HTRA1: variants seen among roughly 807,000 people sequenced by gnomAD.
The protein encoded by HTRA1 is HtrA serine peptidase 1, also known as serine protease HTRA1.
HTRA1 carries 26 observed loss-of-function variants against 49.7 expected under a neutral mutation model. The ratio of observed to expected loss-of-function variants is 0.52; its 90% CI spans 0.38 to 0.73. The LOEUF (loss-of-function observed/expected upper bound fraction) is 0.73, where lower values mean the gene tolerates loss of function less well. Ranked by LOEUF, HTRA1 falls within the 30% of genes least tolerant of loss-of-function variation. HTRA1 has a pLI of 0.00. For missense variants in HTRA1, 561 were observed against 667.2 expected, an observed-to-expected ratio of 0.84 and a Z score of 1.75; for synonymous variants, 291 against 286.9, an observed-to-expected ratio of 1.01 and a Z score of -0.14.
chr10:122,476,640 C>CA (rs2097488611), intron 1 of HTRA1, among the ~76,000 whole-genome samples: 1 of 152,232 alleles, frequency 6.6e-6, no homozygotes, highest in East Asian at 1.9e-4. Context: ...CCTGGGCCTG[C>CA]AGCCCTTGCA....
intron 5 of HTRA1, among the ~76,000 whole-genome samples, chr10:122,508,012 T>TGGGGCCATTTATAGAGGGCAGCTCA (rs2097503912): frequency 6.6e-6 from 1 of 150,510 alleles, no homozygotes; most frequent in East Asian, 1.9e-4. Context: ...AGGGCAGCTC[T>TGGGGCCATTTATAGAGGGCAGCTCA]GGGGCCATTT....
chr10:122,469,348 C>T (rs969012757), intron 1 of HTRA1, among the ~76,000 whole-genome samples: 4 of 152,172 alleles, frequency 2.6e-5, no homozygotes, highest in Admixed American at 6.5e-5. Context: ...AGAGCTGTCT[C>T]TTTGGTGCCA....
chr10:122,479,733 G>A (rs766603543), intron 1 of HTRA1, among the ~76,000 whole-genome samples: 11 of 151,966 alleles, frequency 7.2e-5, no homozygotes, highest in Non-Finnish European at 1.6e-4. Context: ...GAGTCGTGGG[G>A]AGAGTGGAGG....
intron 1 of HTRA1, among the ~76,000 whole-genome samples, chr10:122,463,736 T>G (rs2097482618): frequency 6.6e-6 from 1 of 152,246 alleles, no homozygotes; most frequent in Admixed American, 6.5e-5. Context: ...AGCTGGAATT[T>G]AAACCCAGAC....
chr10:122,472,362 T>TTTATTA (rs1565411596), intron 1 of HTRA1, among the ~76,000 whole-genome samples: 1 of 127,100 alleles, frequency 7.9e-6, no homozygotes, highest in Non-Finnish European at 1.6e-5. Context: ...ATATCATTTC[T>TTTATTA]TTATTACTAT....
chr10:122,469,582 G>A (rs1324601120), intron 1 of HTRA1, among the ~76,000 whole-genome samples: 1 of 152,230 alleles, frequency 6.6e-6, no homozygotes, highest in Non-Finnish European at 1.5e-5. Flanking sequence ...GACCCAAAGA[G>A]CCACTGCCAC....
chr10:122,481,536 G>C (rs910550387), intron 1 of HTRA1, among the ~76,000 whole-genome samples: 2 of 152,198 alleles, frequency 1.3e-5, no homozygotes, highest in Non-Finnish European at 2.9e-5. Context: ...CTGAAGCTTT[G>C]TGGATGTTTG....
chr10:122,461,830 G>T lies in HTRA1; in HGVS notation c.178G>T (p.Asp60Tyr). ...GCACTGCGAGGGCGGCCGGGCCCGGGACGCGTGCGGCTGCTGCGAGGTGTG... is the reference window on the plus strand; with the variant it reads ...GCACTGCGAGGGCGGCCGGGCCCGGTACGCGTGCGGCTGCTGCGAGGTGTG... The part of the protein sequence containing the change: ...PEHCEGGRAR[D>Y]ACGCCEVCGA... The change falls in exon 1 of 9, where the codon GAC becomes TAC. Residue 60 changes from aspartate (D) to tyrosine (Y), a missense_variant. Transcript: ENST00000368984. The T allele has an allele frequency of 8.9e-7, 1 of 1,120,340 alleles. No homozygotes were observed. Among genetic ancestry groups the T allele is most frequent in the South Asian group, 4.3e-5 (1 of 23,476 alleles). The allele number at this position is 1,120,340 out of a possible 1,614,324, so 69.4% of individuals were successfully genotyped here.
chr10:122,489,306 T>C, intron 2 of HTRA1, 116 bp from the exon 3 acceptor site: 1 of 1,010,786 alleles, frequency 9.9e-7, no homozygotes, highest in Admixed American at 1.8e-5. Context: ...CTAAGCCCGA[T>C]ATATAAAGGA....
At chr10:122,496,225 G>GTTTTTTT (rs1287521208) in intron 3 of HTRA1, among the ~76,000 whole-genome samples, 3,371 of 80,336 alleles carry the variant, frequency 0.042, 1,245 homozygotes, top group Middle Eastern at 0.09. Context: ...GAGATTGTGG[G>GTTTTTTT]TTCTTTTTTT....
chr10:122,487,462 C>T lies in HTRA1; in HGVS notation c.473-1440C>T, dbSNP rs138717461. Among the ~76,000 whole-genome samples the T allele has an allele frequency of 2.6e-5, 4 of 152,316 alleles. No homozygotes were observed. In the East Asian group the frequency reaches 7.7e-4, roughly 29 times the overall value. Reference sequence around the variant, plus strand: ...TAGCAGTCCGTTTCTGAATCAGTTACCTTGGGTATGTGCCTCTGGTTGATG... The same window carrying T: ...TAGCAGTCCGTTTCTGAATCAGTTATCTTGGGTATGTGCCTCTGGTTGATG... On this transcript the variant is annotated intron_variant, in intron 1 of 8. Coordinates refer to ENST00000368984, the MANE Select transcript of HTRA1 (RefSeq NM_002775.5). This position sits in a 1 kb window ranked among gnomAD's most constrained non-coding sequence, Gnocchi z 4.8.
intron 1 of HTRA1, among the ~76,000 whole-genome samples, chr10:122,476,078 C>T (rs1001002150): frequency 6.6e-6 from 1 of 152,362 alleles, no homozygotes; most frequent in East Asian, 1.9e-4. Flanking sequence ...GAGGCCCCCT[C>T]CCCTTTCGCT....
At position 122,512,023 on chromosome 10, in the gene HTRA1, G is replaced by T; in HGVS notation, c.1232G>T (p.Gly411Val). ...CGGGACTTCCCAGACGTGATCTCAG[G>T]AGCGTATATAATTGAAGTAATTCCT... ...RHRDFPDVIS[G>V]AYIIEVIPDT... Residue 411 changes from glycine (G) to valine (V), a missense_variant, in exon 8 of 9, where the codon GGA becomes GTA. Physicochemically the swap from Gly to Val is moderately radical, Grantham distance 109. Around this residue, in one of 3 missense-constraint regions of HTRA1, gnomAD observed 179 missense variants for 173.4 expected, o/e 1.03. Transcript: ENST00000368984. 1 of 1,613,968 alleles carries T rather than the reference G, an allele frequency of 6.2e-7. No individual in the cohort carries two copies. The highest frequency in any genetic ancestry group is 8.5e-7 in the Non-Finnish European group (1 of 1,179,900).
At chr10:122,475,254 G>A (rs962393371) in intron 1 of HTRA1, among the ~76,000 whole-genome samples, 42 of 152,338 alleles carry the variant, frequency 2.8e-4, no homozygotes, top group African/African-American at 9.1e-4. Flanking sequence ...GCAGGACGGG[G>A]GAGCAGCCTG....
intron 1 of HTRA1, among the ~76,000 whole-genome samples, chr10:122,467,196 T>G (rs2097484125): frequency 6.6e-6 from 1 of 152,204 alleles, no homozygotes; most frequent in African/African-American, 2.4e-5. Flanking sequence ...TTCAAGTGAA[T>G]AAATAGCTCT....
Position 122,508,658 on chromosome 10 carries a change from C to T in HTRA1, c.1008C>T (p.Asp336=), listed in dbSNP as rs768614813. ...GNSGGPLVNL[D]GEVIGINTLK... Reference sequence around the variant, plus strand: ...GCCGTGTCCTTCTTGCTTTTCAGGACGGTGAAGTGATTGGAATTAACACTT... The same window carrying T: ...GCCGTGTCCTTCTTGCTTTTCAGGATGGTGAAGTGATTGGAATTAACACTT... Residue 336 remains aspartate (D), a splice_region_variant and synonymous_variant, in exon 6 of 9, where the codon GAC becomes GAT. Coordinates refer to ENST00000368984, the MANE Select transcript of HTRA1 (RefSeq NM_002775.5). 3.6e-5 allele frequency: 58 copies of T among 1,597,342 alleles called. No individual in the cohort carries two copies. The highest frequency in any genetic ancestry group is 1.3e-4 in the Admixed American group (8 of 60,002).
rs1381557435 is a variant in HTRA1, at chr10:122,514,522, G to C, written c.*163G>C. 3 of 699,790 alleles carry C rather than the reference G, an allele frequency of 4.3e-6. No individual in the cohort carries two copies. The highest frequency in any genetic ancestry group is 7.6e-6 in the Non-Finnish European group (3 of 395,784). 43.3% of individuals were successfully genotyped at this position (699,790 alleles called of 1,614,324 possible). A position where few individuals can be genotyped will look rare whatever the true frequency, so the allele number is the denominator to read the frequency against. On this transcript the variant is annotated 3_prime_UTR_variant, in exon 9 of 9. Coordinates refer to ENST00000368984, the MANE Select transcript of HTRA1 (RefSeq NM_002775.5). ...ACAGAATCCTTCTTGATAGTTTGCA[G>C]GCAAAACAAATGTAATGTTGCAGAT...
rs1591035006 is a variant in HTRA1, at chr10:122,494,616, G to T, written c.777+4990G>T. On this transcript the variant is annotated intron_variant, in intron 3 of 8. Coordinates refer to ENST00000368984, the MANE Select transcript of HTRA1 (RefSeq NM_002775.5). This position sits in a 1 kb window ranked among gnomAD's most constrained non-coding sequence, Gnocchi z 4.0. Reference sequence around the variant, plus strand: ...ACGGCCTTGTTGAGGCTTGTGAGGTGGTTTTCCTCCCTCCCCTGTAGGCCT... The same window carrying T: ...ACGGCCTTGTTGAGGCTTGTGAGGTTGTTTTCCTCCCTCCCCTGTAGGCCT... 6.6e-6 allele frequency among the ~76,000 whole-genome samples: 1 copy of T among 152,154 alleles called. No individual in the cohort carries two copies. The highest frequency in any genetic ancestry group is 1.9e-4 in the East Asian group (1 of 5,160).
intron 1 of HTRA1, among the ~76,000 whole-genome samples, chr10:122,484,499 C>T (rs748457323): frequency 3.3e-5 from 5 of 152,216 alleles, no homozygotes; most frequent in Non-Finnish European, 7.3e-5. Context: ...CCAGACACCT[C>T]CCTTTACCTC....
Sources: gnomAD v4.1 joint callset for allele counts (sites outside exome capture counted in the v4.1 genomes callset) on GRCh38, gnomAD v4.1.1 for gene constraint, gnomAD v4.1.1 regional missense constraint, Gnocchi (gnomAD v3.1) non-coding constraint, MANE v1.5 for transcripts, NCBI Gene and HGNC (gene_info 2026-07-23, HGNC 2026-07-21) for gene names.